STAG1: variants seen among roughly 807,000 people sequenced by gnomAD.
The protein encoded by STAG1 is STAG1 cohesin complex component.
Under a neutral mutation model 170.9 loss-of-function variants are expected in STAG1, and 26 were observed. The observed-to-expected ratio is 0.15, with a 90% confidence interval of 0.11 to 0.21. The LOEUF (loss-of-function observed/expected upper bound fraction) is 0.21. Ranked by LOEUF, STAG1 falls within the 10% of genes least tolerant of loss-of-function variation. The pLI is 1.00. For missense variants in STAG1, 964 were observed against 1,509.5 expected, an observed-to-expected ratio of 0.64 and a Z score of 5.99; for synonymous variants, 514 against 497.7, an observed-to-expected ratio of 1.03 and a Z score of -0.44.
At chr3:136,717,204 ATCT>A (rs1424465629) in intron 1 of STAG1, among the ~76,000 whole-genome samples, 2 of 152,210 alleles carry the variant, frequency 1.3e-5, no homozygotes, top group Non-Finnish European at 2.9e-5. Context: ...CCTTCTCATT[ATCT>A]TATGATATTA....
intron 22 of STAG1, among the ~76,000 whole-genome samples, chr3:136,396,374 C>T (rs570453842): frequency 5.3e-5 from 8 of 151,478 alleles, no homozygotes; most frequent in Non-Finnish European, 8.8e-5. Flanking sequence ...CCTGCCACCA[C>T]GCCCGGCTAA....
At chr3:136,561,527 G>C (rs572126908) in intron 5 of STAG1, among the ~76,000 whole-genome samples, 1 of 152,206 alleles carries the variant, frequency 6.6e-6, no homozygotes, top group South Asian at 2.1e-4. Flanking sequence ...ACTGGCTGTA[G>C]GATAGTAATT....
chr3:136,431,418 G>A (rs1232874905), intron 16 of STAG1, among the ~76,000 whole-genome samples: 2 of 151,466 alleles, frequency 1.3e-5, no homozygotes, highest in East Asian at 2.0e-4. Flanking sequence ...GACTACAAGC[G>A]TATGCCACCA....
intron 15 of STAG1, among the ~76,000 whole-genome samples, chr3:136,441,278 C>T (rs2088624147): frequency 1.3e-5 from 2 of 152,156 alleles, no homozygotes; most frequent in African/African-American, 4.8e-5. Flanking sequence ...GGTGATCCAC[C>T]TACCTCAGCC....
chr3:136,736,895 T>A (rs1218734849), intron 1 of STAG1: 1 of 1,586,550 alleles, frequency 6.3e-7, no homozygotes, highest in African/African-American at 1.3e-5. Flanking sequence ...ACATCCAGGG[T>A]CCTCTTCTTT....
intron 6 of STAG1, among the ~76,000 whole-genome samples, chr3:136,540,889 G>A (rs1935863687): frequency 7.5e-6 from 1 of 133,612 alleles, no homozygotes; most frequent in Non-Finnish European, 1.6e-5. Flanking sequence ...TCAACTTCTA[G>A]TTATTTAATA....
chr3:136,633,681 C>G lies in STAG1; in HGVS notation c.-83-2700G>C, dbSNP rs568839661. Among the ~76,000 whole-genome samples, 6 of 111,394 alleles carry G rather than the reference C, an allele frequency of 5.4e-5. No individual in the cohort carries two copies. In the Admixed American group the frequency reaches 5.8e-4, roughly 11 times the overall value. 73.1% of individuals were successfully genotyped at this position (111,394 alleles called of 152,430 possible). A position where few individuals can be genotyped will look rare whatever the true frequency, so the allele number is the denominator to read the frequency against. On this transcript the variant is annotated intron_variant, in intron 1 of 33. Transcript: ENST00000383202. ...TGCCACTGCACTCCAACCTGGACAA[C>G]AGAGCAAAAGTTTCCATATCAAAAA... is the stretch of plus-strand genomic sequence containing the variant.
chr3:136,372,954 T>C (rs1159664070), intron 23 of STAG1, among the ~76,000 whole-genome samples: 1 of 152,218 alleles, frequency 6.6e-6, no homozygotes, highest in Non-Finnish European at 1.5e-5. Context: ...TCTGGTAGAA[T>C]TCGGCTGTGA....
At chr3:136,546,382 A>C (rs1373044821) in intron 5 of STAG1, among the ~76,000 whole-genome samples, 1 of 152,182 alleles carries the variant, frequency 6.6e-6, no homozygotes, top group Admixed American at 6.5e-5. Context: ...ATTCATGTCT[A>C]TGTATTTTTG....
At position 136,498,021 on chromosome 3, in the gene STAG1, C is replaced by T. The variant is rs533746455; in HGVS notation, c.902+2202G>A. ...CAGCCTGACCAACAGGGAGAAACTC[C>T]GTCTCTACTAAAAATACAAAATTAG... On this transcript the variant is annotated intron_variant, in intron 9 of 33. Coordinates refer to ENST00000383202, the MANE Select transcript of STAG1 (RefSeq NM_005862.3). Among the ~76,000 whole-genome samples, 13 of 142,234 alleles carry T rather than the reference C, an allele frequency of 9.1e-5. No individual in the cohort carries two copies. In the South Asian group the frequency reaches 2.5e-3, roughly 28 times the overall value. The allele number at this position is 142,234 out of a possible 152,430, so 93.3% of individuals were successfully genotyped here.
At chr3:136,442,946 C>T (rs931159795) in intron 15 of STAG1, among the ~76,000 whole-genome samples, 2 of 152,102 alleles carry the variant, frequency 1.3e-5, no homozygotes, top group African/African-American at 2.4e-5. Flanking sequence ...TAGTTCAAGG[C>T]TGCAGTGAGT....
chr3:136,474,645 C>T (rs1450660152), intron 10 of STAG1, among the ~76,000 whole-genome samples: 1 of 152,190 alleles, frequency 6.6e-6, no homozygotes, highest in Admixed American at 6.5e-5. Context: ...TTCAAGCCTA[C>T]AGTAGCATAC....
intron 21 of STAG1, among the ~76,000 whole-genome samples, chr3:136,404,891 G>A (rs970069890): frequency 2.1e-5 from 3 of 145,560 alleles, no homozygotes; most frequent in Admixed American, 1.4e-4. Flanking sequence ...GTGTGTGTGT[G>A]TATACATGCA....
chr3:136,371,532 A>G (rs1937339065), intron 23 of STAG1, among the ~76,000 whole-genome samples: 1 of 152,208 alleles, frequency 6.6e-6, no homozygotes, highest in African/African-American at 2.4e-5. Flanking sequence ...TAATATTTGT[A>G]TAAGGTGTGA....
At chr3:136,438,785 T>G in intron 15 of STAG1, among the ~76,000 whole-genome samples, 1 of 152,292 alleles carries the variant, frequency 6.6e-6, no homozygotes, top group East Asian at 1.9e-4. Context: ...TAAATATTTT[T>G]AAATTATTAA....
intron 1 of STAG1, among the ~76,000 whole-genome samples, chr3:136,726,884 T>C (rs1933718496): frequency 6.6e-6 from 1 of 152,198 alleles, no homozygotes; most frequent in African/African-American, 2.4e-5. Context: ...GTACTCTTCC[T>C]GCATTATGTT....
intron 23 of STAG1, among the ~76,000 whole-genome samples, chr3:136,373,830 G>A (rs1026545014): frequency 1.3e-5 from 2 of 152,160 alleles, no homozygotes; most frequent in Non-Finnish European, 2.9e-5. Context: ...GTTGATTTGG[G>A]GTGGAGAGTT....
chr3:136,713,222 T>G (rs1271315985), intron 1 of STAG1, among the ~76,000 whole-genome samples: 1 of 152,102 alleles, frequency 6.6e-6, no homozygotes, highest in Non-Finnish European at 1.5e-5. Flanking sequence ...TTCCTAAAAA[T>G]GAACTACGGG....
intron 1 of STAG1, among the ~76,000 whole-genome samples, chr3:136,668,339 ATATAT>A (rs2107872667): frequency 6.8e-6 from 1 of 146,262 alleles, no homozygotes; most frequent in Non-Finnish European, 1.5e-5. Flanking sequence ...GATATATACC[ATATAT>A]TATACATGAT....
Sources: allele counts gnomAD v4.1 joint callset (sites outside exome capture counted in the v4.1 genomes callset), GRCh38; gene constraint gnomAD v4.1.1; transcripts MANE v1.5; gene names NCBI Gene and HGNC (gene_info 2026-07-23, HGNC 2026-07-21).